The following SGCZ variants were observed in gnomAD, a reference collection of about 807,000 sequenced individuals.
The protein encoded by SGCZ is zeta-sarcoglycan.
Under a neutral mutation model 41.3 loss-of-function variants are expected in SGCZ, and 40 were observed. The ratio of observed to expected loss-of-function variants is 0.97; its 90% confidence interval spans 0.75 to 1.26. The LOEUF (loss-of-function observed/expected upper bound fraction) is 1.26, where lower values mean the gene tolerates loss of function less well. Ranked by LOEUF, SGCZ falls within the 50% of genes most tolerant of loss-of-function variation. The probability of loss-of-function intolerance (pLI) is 0.00; values close to 1 mark genes in which losing one functional copy is unlikely to be tolerated. For missense variants in SGCZ, 552 were observed against 369.8 expected (o/e 1.49, Z -4.04); for synonymous variants, 206 against 137.5 (o/e 1.50, Z -3.49).
At chr8:14,374,811 A>G (rs1344978443) in intron 2 of SGCZ, among the ~76,000 whole-genome samples, 1 of 152,116 alleles carries the variant, frequency 6.6e-6, no homozygotes, top group African/African-American at 2.4e-5. Flanking sequence ...CCAGGAATGG[A>G]TGTGGAAAAA....
At chr8:14,599,039 C>G (rs931596248) in intron 1 of SGCZ, among the ~76,000 whole-genome samples, 2 of 152,120 alleles carry the variant, frequency 1.3e-5, no homozygotes, top group Non-Finnish European at 2.9e-5. Context: ...TAAACCTCCT[C>G]TCCTCCAATG....
chr8:14,413,259 G>A (rs940605571), intron 2 of SGCZ, among the ~76,000 whole-genome samples: 16 of 151,908 alleles, frequency 1.1e-4, no homozygotes, highest in African/African-American at 3.4e-4. Context: ...TTATTCAATC[G>A]ACAAAGGGTA....
intron 1 of SGCZ, among the ~76,000 whole-genome samples, chr8:14,611,925 C>A (rs1033208954): frequency 2.6e-5 from 4 of 152,188 alleles, no homozygotes; most frequent in Admixed American, 6.5e-5. Flanking sequence ...GTGTAAAATA[C>A]AGGTAAATAT....
At chr8:14,338,927 C>T (rs976100614) in intron 2 of SGCZ, among the ~76,000 whole-genome samples, 1 of 152,164 alleles carries the variant, frequency 6.6e-6, no homozygotes, top group Admixed American at 6.5e-5. Context: ...GTCCTCCTGG[C>T]TTCAGCCTGG....
chr8:14,399,936 G>C (rs1393639134), intron 2 of SGCZ, among the ~76,000 whole-genome samples: 2 of 151,920 alleles, frequency 1.3e-5, no homozygotes, highest in Non-Finnish European at 2.9e-5. Flanking sequence ...TCTAATTTTA[G>C]AAACTCCAAC....
intron 1 of SGCZ, among the ~76,000 whole-genome samples, chr8:15,214,595 G>C (rs527753154): frequency 6.6e-6 from 1 of 152,182 alleles, no homozygotes; most frequent in South Asian, 2.1e-4. Flanking sequence ...AGAATATTTT[G>C]TCATGCTAGA....
chr8:15,230,445 T>C (rs1412512526), intron 1 of SGCZ, among the ~76,000 whole-genome samples: 1 of 152,242 alleles, frequency 6.6e-6, no homozygotes, highest in Non-Finnish European at 1.5e-5. Flanking sequence ...GGCATTTCAC[T>C]TGATTTTTCT....
At chr8:14,363,262 T>G (rs1006369043) in intron 2 of SGCZ, among the ~76,000 whole-genome samples, 1 of 152,216 alleles carries the variant, frequency 6.6e-6, no homozygotes, top group Non-Finnish European at 1.5e-5. Flanking sequence ...CTGTCATTCC[T>G]TATTCACTGG....
At chr8:14,892,997 G>C (rs951604506) in intron 1 of SGCZ, among the ~76,000 whole-genome samples, 2 of 152,146 alleles carry the variant, frequency 1.3e-5, no homozygotes, top group African/African-American at 4.8e-5. Context: ...CATATGGTAG[G>C]CAGAAGAATG....
In SGCZ at chr8:14,444,126, T is replaced by C. The variant is rs546573674; in HGVS notation, c.234+110606A>G. On this transcript the variant is annotated intron_variant, in intron 2 of 7. Coordinates refer to ENST00000382080, the MANE Select transcript of SGCZ (RefSeq NM_139167.4). Reference sequence around the variant, plus strand: ...ACCACAATGAGATACCATCTCACACTAGTTAGAATGGCGATCATTAAAAAG... The same window carrying C: ...ACCACAATGAGATACCATCTCACACCAGTTAGAATGGCGATCATTAAAAAG... Among the ~76,000 whole-genome samples, 140 of 151,826 alleles carry C rather than the reference T, an allele frequency of 9.2e-4. 1 individual carries two copies. Among genetic ancestry groups the C allele is most frequent in the South Asian group, 3.1e-3 (15 of 4,792 alleles).
At chr8:14,495,817 G>A (rs1434942987) in intron 2 of SGCZ, among the ~76,000 whole-genome samples, 3 of 151,974 alleles carry the variant, frequency 2.0e-5, no homozygotes, top group Non-Finnish European at 4.4e-5. Context: ...CCATCCAAAA[G>A]CTATGGGCCT....
chr8:14,135,008 C>T (rs13269831), intron 5 of SGCZ, among the ~76,000 whole-genome samples: 50,079 of 151,952 alleles, frequency 0.33, 10,495 homozygotes, highest in Non-Finnish European at 0.47. Context: ...CACACTATCA[C>T]GGCAGAATGG....
At chr8:15,086,446 G>T (rs1805953617) in intron 1 of SGCZ, among the ~76,000 whole-genome samples, 1 of 152,030 alleles carries the variant, frequency 6.6e-6, no homozygotes, top group Admixed American at 6.6e-5. Context: ...CCATGCCCTT[G>T]ATTCAATACC....
chr8:14,086,378 A>C lies in SGCZ; in HGVS notation c.*4065T>G, dbSNP rs1279938541. Among the ~76,000 whole-genome samples the C allele has an allele frequency of 6.6e-6, 1 of 151,728 alleles. No individual in the cohort carries two copies. Among genetic ancestry groups the C allele is most frequent in the African/African-American group, 2.4e-5 (1 of 41,418 alleles). On this transcript the variant is annotated 3_prime_UTR_variant, in exon 8 of 8. Transcript: ENST00000382080. ...ATACAGAGATACCATGTTTGCAATG[A>C]AATAATTTATTAGGAGTTTTATTGT...
intron 3 of SGCZ, among the ~76,000 whole-genome samples, chr8:14,256,677 C>G (rs1396055608): frequency 6.6e-6 from 1 of 152,088 alleles, no homozygotes; most frequent in Non-Finnish European, 1.5e-5. Context: ...CTAAAATGCT[C>G]CATCCAATGA....
chr8:14,205,617 A>G (rs1441844962), intron 4 of SGCZ, among the ~76,000 whole-genome samples: 2 of 152,140 alleles, frequency 1.3e-5, no homozygotes, highest in African/African-American at 2.4e-5. Context: ...TGACAAAGCA[A>G]ACTATATAAT....
chr8:15,053,486 T>C (rs575746673), intron 1 of SGCZ, among the ~76,000 whole-genome samples: 8 of 152,266 alleles, frequency 5.3e-5, no homozygotes, highest in African/African-American at 1.9e-4. Flanking sequence ...GTCCTGTGCA[T>C]CCAATGTGAA....
chr8:15,055,060 T>C (rs946721968), intron 1 of SGCZ, among the ~76,000 whole-genome samples: 1 of 152,106 alleles, frequency 6.6e-6, no homozygotes, highest in Non-Finnish European at 1.5e-5. Flanking sequence ...TAGCTCCCCT[T>C]TACCTAAAGA....
intron 1 of SGCZ, among the ~76,000 whole-genome samples, chr8:14,833,010 T>C (rs1365544774): frequency 6.6e-6 from 1 of 151,736 alleles, no homozygotes; most frequent in Admixed American, 6.6e-5. Flanking sequence ...ATTTTTATTG[T>C]ATTATGTTGA....
Sources: gnomAD v4.1 joint callset for allele counts (sites outside exome capture counted in the v4.1 genomes callset) on GRCh38, gnomAD v4.1.1 for gene constraint, MANE v1.5 for transcripts, NCBI Gene and HGNC (gene_info 2026-07-23, HGNC 2026-07-21) for gene names.